Variants in CES3 observed in about 807,000 individuals in gnomAD.
CES3 encodes carboxylesterase 3 (brain).
A neutral mutation model predicts 57.6 loss-of-function variants in CES3; 49 were observed. The ratio of observed to expected loss-of-function variants is 0.85; its 90% CI spans 0.68 to 1.08. The LOEUF is 1.08. Ranked by LOEUF, CES3 falls within the 50% of genes least tolerant of loss-of-function variation. The pLI, the probability that CES3 is intolerant of heterozygous loss-of-function variation, is 0.00. For synonymous variants in CES3, 266 were observed against 281.6 expected, an observed-to-expected ratio of 0.94 and a Z score of 0.55; for missense variants, 645 against 742.0, an observed-to-expected ratio of 0.87 and a Z score of 1.52.
Position 66,963,801 on chromosome 16 carries a change from G to A in CES3, c.427-1G>A. Reference sequence around the variant, plus strand: ...TCAGTGCCCCATGGCCACCTCTGCAGGTCATGGTATGGGTCCATGGAGGCG... The same window carrying A: ...TCAGTGCCCCATGGCCACCTCTGCAAGTCATGGTATGGGTCCATGGAGGCG... On this transcript the variant is annotated splice_acceptor_variant, in intron 3 of 12. Coordinates refer to ENST00000303334, the MANE Select transcript of CES3 (RefSeq NM_024922.6). LOFTEE classifies it high-confidence loss of function. The surrounding 1 kb of genome is among the most constrained non-coding windows in gnomAD (Gnocchi z 4.9). 6.2e-7 allele frequency: 1 copy of A among 1,612,652 alleles called. No individual in the cohort carries two copies. Among genetic ancestry groups the A allele is most frequent in the Non-Finnish European group, 8.5e-7 (1 of 1,178,740 alleles).
Position 66,972,525 on chromosome 16 carries a change from CAT to C in CES3, c.1441+21_1441+22del, listed in dbSNP as rs1491404526. On this transcript the variant is annotated intron_variant, in intron 11 of 12. Transcript: ENST00000303334. Reference sequence around the variant, plus strand: ...GCCTGGGTGAGGACAGACAGACAGACATGTGATCCCTAGGCTGCCAGACTCCA... The same window carrying C: ...GCCTGGGTGAGGACAGACAGACAGACGTGATCCCTAGGCTGCCAGACTCCA... 15 of 1,607,920 alleles carry C rather than the reference CAT, an allele frequency of 9.3e-6. No individual in the cohort carries two copies. The East Asian group carries it at 2.7e-4, about 29-fold the overall frequency.
chr16:66,966,148 C>G (rs1963726081), intron 6 of CES3, 96 bp from the exon 7 acceptor site: 1 of 1,072,878 alleles, frequency 9.3e-7, no homozygotes, highest in African/African-American at 1.6e-5. Flanking sequence ...TCACATCCAG[C>G]TGTCCTACAG....
chr16:66,965,570 C>T (rs900825198), intron 6 of CES3, among the ~76,000 whole-genome samples: 2 of 152,196 alleles, frequency 1.3e-5, no homozygotes, highest in Non-Finnish European at 2.9e-5. Flanking sequence ...CATGTTGACT[C>T]TTGTATGGAC....
chr16:66,962,968 C>T (rs1262019488), intron 1 of CES3: 20 of 700,914 alleles, frequency 2.9e-5, no homozygotes, highest in South Asian at 1.3e-4. Context: ...GTGGCAGGCC[C>T]GGTCTGGCCT....
chr16:66,966,800 C>T lies in CES3; in HGVS notation c.997C>T (p.Pro333Ser), dbSNP rs1248952572. The change falls in exon 8 of 13, where the codon CCC becomes TCC. Residue 333 changes from proline to serine, a missense_variant. Physicochemically the swap from Pro to Ser is moderately conservative, Grantham distance 74 (BLOSUM62 -1). Coordinates refer to ENST00000303334, the MANE Select transcript of CES3 (RefSeq NM_024922.6). Reference sequence around the variant, plus strand: ...CCCCAAGGAACTCCTGAAGGAGAAGCCCTTCCACTCTGTGCCCTTCCTCAT... The same window carrying T: ...CCCCAAGGAACTCCTGAAGGAGAAGTCCTTCCACTCTGTGCCCTTCCTCAT... ...KSPKELLKEK[P>S]FHSVPFLMGV... The T allele has an allele frequency of 1.9e-6, 3 of 1,614,146 alleles. No individual in the cohort carries two copies. Among genetic ancestry groups the T allele is most frequent in the East Asian group, 2.2e-5 (1 of 44,874 alleles).
chr16:66,965,557 G>A (rs754911271), intron 6 of CES3, among the ~76,000 whole-genome samples: 1 of 152,162 alleles, frequency 6.6e-6, no homozygotes, highest in Non-Finnish European at 1.5e-5. Flanking sequence ...ACCTCTGCGT[G>A]GGCATGTTGA....
chr16:66,964,016 G>T, intron 4 of CES3, 81 bp downstream of exon 4: 1 of 1,571,172 alleles, frequency 6.4e-7, no homozygotes. Context: ...TCTAGGTTGG[G>T]GTCCGGAACC....
chr16:66,961,844 G>A (rs897354537), intron 1 of CES3, among the ~76,000 whole-genome samples: 6 of 152,080 alleles, frequency 3.9e-5, no homozygotes, highest in Non-Finnish European at 7.3e-5. Flanking sequence ...GATTACAGGC[G>A]TGAGCCACCG....
rs1282364608 is a variant in CES3 at position 66,975,036 on chromosome 16, CAA to C, written c.*1988_*1989del. On this transcript the variant is annotated 3_prime_UTR_variant, in exon 13 of 13. Transcript: ENST00000303334. ...TCAGCAGGATGTGGGTGGGGCGAGA[CAA>C]GAGAATAAAAGCAGGCTGCCTGAGC... 6.6e-6 allele frequency: 1 copy of C among 152,230 alleles called. No individual in the cohort carries two copies. Among genetic ancestry groups the C allele is most frequent in the Non-Finnish European group, 1.5e-5 (1 of 68,062 alleles). The allele number at this position is 152,230 out of a possible 1,614,324, so 9.4% of individuals were successfully genotyped here.
intron 1 of CES3, 148 bp downstream of exon 1, chr16:66,961,537 C>G (rs1400049911): frequency 1.6e-6 from 1 of 640,362 alleles, no homozygotes; most frequent in African/African-American, 1.8e-5. Context: ...GGCAGGCGCT[C>G]TGCTCTTGCT....
At position 66,964,709 on chromosome 16, in the gene CES3, C is replaced by T. The variant is rs775798473; in HGVS notation, c.801C>T (p.His267=). 8 of 1,613,890 alleles carry T rather than the reference C, an allele frequency of 5.0e-6. No homozygotes were observed. The African/African-American group carries it at 6.7e-5, about 13-fold the overall frequency. The change falls in exon 6 of 13, where the codon CAC becomes CAT. Residue 267 remains histidine, a synonymous_variant. Transcript: ENST00000303334. ...CCACCCCAGGGATCATCGACTCTCA[C>T]CCTTGGCCCCTAGCTCAGGTCTGTA... ...VITTPGIIDS[H]PWPLAQKIAN...
At position 66,973,260 on chromosome 16, in the gene CES3, G is replaced by A. The variant is rs1963875210; in HGVS notation, c.*211G>A. The A allele has an allele frequency of 5.3e-6, 3 of 568,938 alleles. No homozygotes were observed. Among genetic ancestry groups the A allele is most frequent in the African/African-American group, 1.9e-5 (1 of 53,412 alleles). 35.2% of individuals were successfully genotyped at this position (568,938 alleles called of 1,614,324 possible). The stretch of plus-strand genomic sequence containing the variant: ...ATTGTACAAGTTCTTCCCTCTCCCT[G>A]AAGTGCCTTTCCTGCTTTCTTCGTG... On this transcript the variant is annotated 3_prime_UTR_variant, in exon 13 of 13. Coordinates refer to ENST00000303334, the MANE Select transcript of CES3 (RefSeq NM_024922.6).
At position 66,966,865 on chromosome 16, in the gene CES3, G is replaced by A. The variant is rs770890077; in HGVS notation, c.1062G>A (p.Arg354=). 37 of 1,613,860 alleles carry A rather than the reference G, an allele frequency of 2.3e-5. No individual in the cohort carries two copies. The highest frequency in any genetic ancestry group is 3.1e-5 in the Non-Finnish European group (36 of 1,179,980). Residue 354 remains arginine (R), a splice_region_variant and synonymous_variant, in exon 8 of 13, where the codon AGG becomes AGA. Coordinates refer to ENST00000303334, the MANE Select transcript of CES3 (RefSeq NM_024922.6). ...ATGAGTTCAGCTGGCTCATCCCCAG[G>A]GTGAGTTGCTCCCACCCCTGTGCCC... is the stretch of plus-strand genomic sequence containing the variant. The part of the protein sequence containing the change: ...NNHEFSWLIP[R]GWGLLDTMEQ...
chr16:66,962,562 C>A (rs1261040760), intron 1 of CES3, among the ~76,000 whole-genome samples: 1 of 151,954 alleles, frequency 6.6e-6, no homozygotes, highest in African/African-American at 2.4e-5. Context: ...GGTTTGAGAC[C>A]AGCCTGGGCA....
chr16:66,968,714 G>A (rs990892517), intron 8 of CES3, among the ~76,000 whole-genome samples: 12 of 152,006 alleles, frequency 7.9e-5, no homozygotes, highest in African/African-American at 2.4e-4. Flanking sequence ...AGGAGTTCGA[G>A]ACCAGCCTAG....
intron 6 of CES3, among the ~76,000 whole-genome samples, chr16:66,965,980 G>C (rs962181836): frequency 1.3e-5 from 2 of 152,134 alleles, no homozygotes; most frequent in Admixed American, 1.3e-4. Flanking sequence ...ATTCTTAGAG[G>C]GCAATGAGGA....
Position 66,969,729 on chromosome 16 carries a change from G to A in CES3, c.1113G>A (p.Leu371=), listed in dbSNP as rs1963798101. The A allele has an allele frequency of 6.2e-7, 1 of 1,613,196 alleles. No individual in the cohort carries two copies. The highest frequency in any genetic ancestry group is 1.3e-5 in the African/African-American group (1 of 74,880). ...AGCAGATGAGCCGGGAGGACATGCT[G>A]GCCATCTCAACACCCGTCTTGACCA... ...TMEQMSREDM[L]AISTPVLTSL... Residue 371 remains leucine (L), a synonymous_variant, in exon 9 of 13, where the codon CTG becomes CTA. Coordinates refer to ENST00000303334, the MANE Select transcript of CES3 (RefSeq NM_024922.6).
chr16:66,967,059 G>C (rs1209311334), intron 8 of CES3, among the ~76,000 whole-genome samples, 194 bp downstream of exon 8: 1 of 150,000 alleles, frequency 6.7e-6, no homozygotes, highest in Admixed American at 6.6e-5. Flanking sequence ...TTGTTGTTTT[G>C]CTTTTTTTTT....
At position 66,972,492 on chromosome 16, in the gene CES3, G is replaced by A. The variant is rs761759603; in HGVS notation, c.1428G>A (p.Glu476=). The A allele has an allele frequency of 5.6e-6, 9 of 1,613,146 alleles. No individual in the cohort carries two copies. Among genetic ancestry groups the A allele is most frequent in the Non-Finnish European group, 7.6e-6 (9 of 1,179,668 alleles). ...FVFGGPFLMD[E]SSRLAFPEAT... is the part of the protein sequence containing the mutation. ...TCGGAGGTCCCTTCCTCATGGACGA[G>A]AGCTCCCGCCTGGGTGAGGACAGAC... is the stretch of plus-strand genomic sequence containing the variant. Residue 476 remains glutamate, a synonymous_variant, in exon 11 of 13, where the codon GAG becomes GAA. Coordinates refer to ENST00000303334, the MANE Select transcript of CES3 (RefSeq NM_024922.6).
Sources: allele counts gnomAD v4.1 joint callset (sites outside exome capture counted in the v4.1 genomes callset), GRCh38; gene constraint gnomAD v4.1.1; non-coding constraint Gnocchi (gnomAD v3.1); transcripts MANE v1.5; gene names NCBI Gene and HGNC (gene_info 2026-07-23, HGNC 2026-07-21).